Variants in SH2D4B observed in about 807,000 individuals in gnomAD.
The protein encoded by SH2D4B is SH2 domain containing 4B.
In SH2D4B, 45 loss-of-function variants were observed where a neutral mutation model predicts 61.5. That is an observed-to-expected ratio of 0.73 (90% confidence interval 0.58 to 0.94). The LOEUF is 0.94. SH2D4B is among the 40% of genes least tolerant of loss of function. The pLI, the probability that SH2D4B is intolerant of heterozygous loss-of-function variation, is 0.00. For missense variants in SH2D4B, 572 were observed against 574.2 expected, an observed-to-expected ratio of 1.00 and a Z score of 0.04; for synonymous variants, 224 against 220.4, an observed-to-expected ratio of 1.02 and a Z score of -0.14.
chr10:80,599,060 A>G (rs906796546), intron 4 of SH2D4B, among the ~76,000 whole-genome samples: 11 of 152,150 alleles, frequency 7.2e-5, no homozygotes, highest in Admixed American at 5.2e-4. Context: ...TTTTTGACAG[A>G]GCGGAGTGGG....
chr10:80,610,439 G>T (rs115009110), intron 6 of SH2D4B, among the ~76,000 whole-genome samples: 1,597 of 152,302 alleles, frequency 0.01, 28 homozygotes, highest in African/African-American at 0.037. Flanking sequence ...AAAATGTTTG[G>T]ATTGGGATTA....
At chr10:80,560,560 T>A (rs899586757) in intron 1 of SH2D4B, among the ~76,000 whole-genome samples, 4 of 151,876 alleles carry the variant, frequency 2.6e-5, no homozygotes, top group Non-Finnish European at 5.9e-5. Context: ...TAATTTTTTT[T>A]TACTTTTTGT....
At chr10:80,637,736 A>G (rs991033105) in intron 7 of SH2D4B, among the ~76,000 whole-genome samples, 2 of 152,176 alleles carry the variant, frequency 1.3e-5, no homozygotes, top group South Asian at 2.1e-4. Context: ...TGCAAACAGG[A>G]ACAATTTGAC....
At chr10:80,630,186 G>A (rs1842813937) in intron 6 of SH2D4B, among the ~76,000 whole-genome samples, 1 of 152,228 alleles carries the variant, frequency 6.6e-6, no homozygotes, top group African/African-American at 2.4e-5. Context: ...CTGATTGAGA[G>A]CCCCAGAGCA....
intron 5 of SH2D4B, among the ~76,000 whole-genome samples, chr10:80,606,812 G>C (rs564678346): frequency 6.6e-6 from 1 of 152,268 alleles, no homozygotes; most frequent in South Asian, 2.1e-4. Flanking sequence ...TAATTTCAGT[G>C]CCAGTATCTA....
intron 1 of SH2D4B, among the ~76,000 whole-genome samples, chr10:80,558,123 T>C (rs1841861245): frequency 6.6e-6 from 1 of 152,214 alleles, no homozygotes; most frequent in South Asian, 2.1e-4. Flanking sequence ...TTCTTTAGTT[T>C]CTGAATATTT....
chr10:80,639,573 A>G (rs934231187), intron 7 of SH2D4B, among the ~76,000 whole-genome samples: 1 of 152,020 alleles, frequency 6.6e-6, no homozygotes, highest in African/African-American at 2.4e-5. Context: ...GTTGGTTTAA[A>G]GTCTGTTTTA....
chr10:80,577,089 C>CTA (rs1041156216), intron 3 of SH2D4B, among the ~76,000 whole-genome samples: 6 of 152,182 alleles, frequency 3.9e-5, no homozygotes, highest in Non-Finnish European at 8.8e-5. Flanking sequence ...TGAGGAAAGA[C>CTA]TATAACGGAG....
chr10:80,549,422 G>A (rs771585064), intron 1 of SH2D4B, among the ~76,000 whole-genome samples: 5 of 152,182 alleles, frequency 3.3e-5, no homozygotes, highest in Non-Finnish European at 5.9e-5. Flanking sequence ...CCAGCCTCCT[G>A]TTCTGCCTCC....
chr10:80,620,225 G>C (rs1034518819), intron 6 of SH2D4B, among the ~76,000 whole-genome samples: 1 of 152,106 alleles, frequency 6.6e-6, no homozygotes, highest in African/African-American at 2.4e-5. Context: ...CATGGGGGGC[G>C]GTTCCCCCCC....
At chr10:80,606,632 G>A (rs1235720011) in intron 5 of SH2D4B, among the ~76,000 whole-genome samples, 2 of 152,202 alleles carry the variant, frequency 1.3e-5, no homozygotes, top group Admixed American at 1.3e-4. Flanking sequence ...GCAGCCATGA[G>A]TCACTGTGCC....
At chr10:80,596,200 C>T (rs1278867567) in intron 4 of SH2D4B, among the ~76,000 whole-genome samples, 1 of 152,228 alleles carries the variant, frequency 6.6e-6, no homozygotes, top group Non-Finnish European at 1.5e-5. Flanking sequence ...AGAGAGTGTT[C>T]CCCTTGCTCA....
intron 6 of SH2D4B, among the ~76,000 whole-genome samples, chr10:80,618,680 C>T (rs1436170127): frequency 2.6e-5 from 4 of 152,076 alleles, no homozygotes; most frequent in African/African-American, 2.4e-5. Flanking sequence ...TGTTGTCAGC[C>T]GTTGAGGCGT....
At position 80,539,625 on chromosome 10, in the gene SH2D4B, C is replaced by A. The variant is rs1301441949; in HGVS notation, c.184+1110C>A. On this transcript the variant is annotated intron_variant, in intron 1 of 7. Coordinates refer to ENST00000646907, the MANE Select transcript of SH2D4B (RefSeq NM_001388272.1). This position sits in a 1 kb window ranked among gnomAD's most constrained non-coding sequence, Gnocchi z 4.9. Reference sequence around the variant, plus strand: ...TGTTCAGGGATGCTCTTGCATAGGGCAGTACTTGCTCCTCTGTGGCTGCCT... The same window carrying A: ...TGTTCAGGGATGCTCTTGCATAGGGAAGTACTTGCTCCTCTGTGGCTGCCT... 1.3e-5 allele frequency among the ~76,000 whole-genome samples: 2 copies of A among 152,208 alleles called. No individual in the cohort carries two copies. Among genetic ancestry groups the A allele is most frequent in the African/African-American group, 2.4e-5 (1 of 41,458 alleles).
chr10:80,596,416 C>T (rs1180246253), intron 4 of SH2D4B, among the ~76,000 whole-genome samples: 1 of 152,212 alleles, frequency 6.6e-6, no homozygotes, highest in African/African-American at 2.4e-5. Flanking sequence ...ATTGGCATTT[C>T]TACTGTGTAC....
chr10:80,592,859 G>A (rs1564777726), intron 4 of SH2D4B, among the ~76,000 whole-genome samples: 1 of 151,230 alleles, frequency 6.6e-6, no homozygotes, highest in Non-Finnish European at 1.5e-5. Flanking sequence ...TGGACCACAG[G>A]CATGCACCAC....
chr10:80,634,271 C>A lies in SH2D4B; in HGVS notation c.989-14C>A. ...ACCTGCTGTGTTTTTTTGTTTTTTT[C>A]TATTTTAAATCAGGAATTATTAGCC... On this transcript the variant is annotated splice_polypyrimidine_tract_variant and intron_variant, in intron 6 of 7. Coordinates refer to ENST00000646907, the MANE Select transcript of SH2D4B (RefSeq NM_001388272.1). The A allele has an allele frequency of 2.0e-6, 3 of 1,483,988 alleles. No individual in the cohort carries two copies. The highest frequency in any genetic ancestry group is 2.7e-6 in the Non-Finnish European group (3 of 1,115,678). 91.9% of individuals were successfully genotyped at this position (1,483,988 alleles called of 1,614,324 possible). A position where few individuals can be genotyped will look rare whatever the true frequency, so the allele number is the denominator to read the frequency against.
rs568797617 is a variant in SH2D4B at position 80,551,037 on chromosome 10, C to T, written c.184+12522C>T. ...CAAGGAAAAGAAAAAGAAAAAGAAA[C>T]ATGACTTGATTTTTATTTTATTTTA... On this transcript the variant is annotated intron_variant, in intron 1 of 7. Coordinates refer to ENST00000646907, the MANE Select transcript of SH2D4B (RefSeq NM_001388272.1). Among the ~76,000 whole-genome samples the T allele has an allele frequency of 8.6e-4, 131 of 152,238 alleles. 1 individual carries two copies. Among genetic ancestry groups the T allele is most frequent in the South Asian group, 6.2e-3 (30 of 4,824 alleles).
chr10:80,589,359 C>T (rs193171196), intron 4 of SH2D4B, among the ~76,000 whole-genome samples: 87 of 152,242 alleles, frequency 5.7e-4, no homozygotes, highest in African/African-American at 2.1e-3. Context: ...TATAGTGAGA[C>T]CCTGTCTCTA....
Sources: gnomAD v4.1 joint callset for allele counts (sites outside exome capture counted in the v4.1 genomes callset) on GRCh38, gnomAD v4.1.1 for gene constraint, Gnocchi (gnomAD v3.1) non-coding constraint, MANE v1.5 for transcripts, NCBI Gene and HGNC (gene_info 2026-07-23, HGNC 2026-07-21) for gene names.